Variants in AMD1 observed in about 807,000 individuals in gnomAD.
AMD1 encodes the protein adenosylmethionine decarboxylase 1, also known as S-adenosylmethionine decarboxylase proenzyme.
Under a neutral mutation model 40.2 loss-of-function variants are expected in AMD1, and 11 were observed. The ratio of observed to expected loss-of-function variants is 0.27; its 90% CI spans 0.17 to 0.45. The LOEUF (loss-of-function observed/expected upper bound fraction) is 0.45. AMD1 is among the 20% of genes least tolerant of loss of function. The pLI is 1.00. For synonymous variants in AMD1, 121 were observed against 130.8 expected, an observed-to-expected ratio of 0.93 and a Z score of 0.51; for missense variants, 257 against 410.2, an observed-to-expected ratio of 0.63 and a Z score of 3.23.
chr6:110,858,242 A>C, the AMD1 span: 1 of 937,402 alleles, frequency 1.1e-6, no homozygotes. Context: ...GCCAGCCATG[A>C]GCTCCACGCA....
At chr6:110,836,091 A>G in the AMD1 span, among the ~76,000 whole-genome samples, 1 of 151,764 alleles carries the variant, frequency 6.6e-6, no homozygotes, top group Non-Finnish European at 1.5e-5. Context: ...ACAATGTTAT[A>G]TATTCTCAAA....
chr6:110,862,713 G>A, the AMD1 span, among the ~76,000 whole-genome samples: 27,107 of 151,902 alleles, frequency 0.18, 3,184 homozygotes, highest in East Asian at 0.66. Flanking sequence ...CAAGTGATCT[G>A]CCTGCCTCGG....
chr6:110,854,882 A>G, the AMD1 span, among the ~76,000 whole-genome samples: 1 of 152,188 alleles, frequency 6.6e-6, no homozygotes, highest in Non-Finnish European at 1.5e-5. Context: ...TTCTTATTAC[A>G]TAGTGCTAAA....
At chr6:110,819,357 C>T in the AMD1 span, among the ~76,000 whole-genome samples, 1 of 151,988 alleles carries the variant, frequency 6.6e-6, no homozygotes, top group Non-Finnish European at 1.5e-5. Flanking sequence ...AACTCTGTTT[C>T]AAAACAAACT....
At chr6:110,831,684 T>TA in the AMD1 span, among the ~76,000 whole-genome samples, 2 of 152,250 alleles carry the variant, frequency 1.3e-5, no homozygotes. Context: ...GAGGAGCCAA[T>TA]GTTTGCATTG....
the AMD1 span, among the ~76,000 whole-genome samples, chr6:110,816,971 T>A: frequency 1.0e-4 from 16 of 152,384 alleles, no homozygotes; most frequent in African/African-American, 3.8e-4. Context: ...GGGACTCTTG[T>A]GCATACATAC....
chr6:110,857,975 C>T, the AMD1 span, among the ~76,000 whole-genome samples: 1 of 151,886 alleles, frequency 6.6e-6, no homozygotes, highest in African/African-American at 2.4e-5. Context: ...GCTGGGACTA[C>T]AGGCGCTTGC....
intron 1 of AMD1, among the ~76,000 whole-genome samples, chr6:110,882,982 G>T (rs901842457): frequency 6.6e-6 from 1 of 152,108 alleles, no homozygotes; most frequent in East Asian, 1.9e-4. Flanking sequence ...TATTAGTAAG[G>T]TGTAGTGATA....
At chr6:110,848,352 T>A in the AMD1 span, among the ~76,000 whole-genome samples, 3 of 151,890 alleles carry the variant, frequency 2.0e-5, no homozygotes, top group African/African-American at 7.3e-5. Flanking sequence ...TGAAACACTG[T>A]CTCTACTAAA....
At chr6:110,875,327 TGCGGCCTGGGGTCGCTTCG>T in intron 1 of AMD1, 112 bp downstream of exon 1, 1 of 901,656 alleles carries the variant, frequency 1.1e-6, no homozygotes, top group South Asian at 1.5e-5. Context: ...GGGGCAAGTC[TGCGGCCTGGGGTCGCTTCG>T]GCGGCCTTGG....
At chr6:110,847,882 T>C in the AMD1 span, among the ~76,000 whole-genome samples, 1 of 151,516 alleles carries the variant, frequency 6.6e-6, no homozygotes. Context: ...CAGCTAATTT[T>C]TGTATTTTTT....
chr6:110,890,034 G>T (rs1338012887), intron 3 of AMD1: 1 of 441,146 alleles, frequency 2.3e-6, no homozygotes, highest in Admixed American at 4.2e-5. Context: ...AGAGAGATGG[G>T]GCCTCAGTAT....
intron 1 of AMD1, among the ~76,000 whole-genome samples, chr6:110,876,191 T>C (rs114138081): frequency 0.021 from 3,135 of 152,342 alleles, 112 homozygotes; most frequent in African/African-American, 0.072. Flanking sequence ...AAATCCATGC[T>C]TATATAAAAG....
At chr6:110,833,428 A>G in the AMD1 span, among the ~76,000 whole-genome samples, 1 of 152,242 alleles carries the variant, frequency 6.6e-6, no homozygotes, top group Non-Finnish European at 1.5e-5. Context: ...CACTTCAGGT[A>G]GACTAATTCC....
At chr6:110,871,381 T>C (rs1469964483), upstream of AMD1, among the ~76,000 whole-genome samples, 1 of 152,206 alleles carries the variant, frequency 6.6e-6, no homozygotes, top group African/African-American at 2.4e-5. Context: ...ACTGCAATAG[T>C]TCAGGGGAGC....
the AMD1 span, among the ~76,000 whole-genome samples, chr6:110,840,855 T>A: frequency 2.6e-5 from 4 of 152,004 alleles, no homozygotes; most frequent in African/African-American, 7.3e-5. Context: ...CACTCAGCAT[T>A]ATAACAAAAA....
chr6:110,814,904 T>G, the AMD1 span: 1 of 1,485,744 alleles, frequency 6.7e-7, no homozygotes, highest in Non-Finnish European at 9.2e-7. Flanking sequence ...CCCCTCCGCC[T>G]CGCCCCTCGG....
At chr6:110,874,275 T>C (rs1329234615), upstream of AMD1, among the ~76,000 whole-genome samples, 2 of 152,188 alleles carry the variant, frequency 1.3e-5, no homozygotes, top group East Asian at 3.8e-4. Context: ...CACGGACAAA[T>C]GTTTAGTTTT....
the AMD1 span, among the ~76,000 whole-genome samples, chr6:110,848,297 G>A: frequency 2.6e-5 from 4 of 151,832 alleles, no homozygotes; most frequent in Non-Finnish European, 5.9e-5. Context: ...TGAGGCAGGC[G>A]AGTCACTTGA....
Sources: allele counts gnomAD v4.1 joint callset (sites outside exome capture counted in the v4.1 genomes callset), GRCh38; gene constraint gnomAD v4.1.1; transcripts MANE v1.5; gene names NCBI Gene and HGNC (gene_info 2026-07-23, HGNC 2026-07-21).